GHR: variants seen among roughly 807,000 people sequenced by gnomAD.
GHR encodes the protein growth hormone receptor, also known as GH receptor.
Under a neutral mutation model 67.1 loss-of-function variants are expected in GHR, and 35 were observed. That is an observed-to-expected ratio of 0.52 (90% confidence interval 0.40 to 0.69). The LOEUF is 0.69. GHR is among the 30% of genes least tolerant of loss of function. The pLI, the probability that GHR is intolerant of heterozygous loss-of-function variation, is 0.00. For missense variants in GHR, 792 were observed against 764.6 expected, an observed-to-expected ratio of 1.04 and a Z score of -0.42; for synonymous variants, 272 against 269.1, an observed-to-expected ratio of 1.01 and a Z score of -0.10.
Position 42,717,890 on chromosome 5 carries a change from A to G in GHR, c.876-162A>G, listed in dbSNP as rs2973015. On this transcript the variant is annotated intron_variant, in intron 8 of 9. Coordinates refer to ENST00000230882, the MANE Select transcript of GHR (RefSeq NM_000163.5). ...CTTCTACAGTTTTTCTTTCTCATTT[A>G]CTGTCTAATATTTTCTTCTGTTTCT... Among the ~76,000 whole-genome samples the G allele has an allele frequency of 0.43, 65,371 of 151,448 alleles. 14,353 individuals carry two copies. Among genetic ancestry groups the G allele is most frequent in the East Asian group, 0.58 (2,976 of 5,160 alleles).
At chr5:42,672,349 A>G (rs1255344688) in intron 3 of GHR, among the ~76,000 whole-genome samples, 1 of 152,234 alleles carries the variant, frequency 6.6e-6, no homozygotes, top group Non-Finnish European at 1.5e-5. Context: ...ATACAGCAAT[A>G]GTGTTCACAT....
chr5:42,519,895 T>C lies in GHR; in HGVS notation c.-11-45969T>C, dbSNP rs528705976. On this transcript the variant is annotated intron_variant, in intron 1 of 9. Coordinates refer to ENST00000230882, the MANE Select transcript of GHR (RefSeq NM_000163.5). ...AATTAAATGACCATAAGTACAGTTG[T>C]TTTTGCTGCAATTTGTTCATTGATT... Among the ~76,000 whole-genome samples, 23 of 152,262 alleles carry C rather than the reference T, an allele frequency of 1.5e-4. No homozygotes were observed. In the South Asian group the frequency reaches 3.5e-3, roughly 23 times the overall value.
intron 1 of GHR, among the ~76,000 whole-genome samples, chr5:42,480,724 G>C (rs1745588624): frequency 6.6e-6 from 1 of 152,026 alleles, no homozygotes; most frequent in Non-Finnish European, 1.5e-5. Context: ...GCCTTTTTCT[G>C]TTTTCCATTT....
chr5:42,529,577 T>C (rs1747865884), intron 1 of GHR, among the ~76,000 whole-genome samples: 2 of 152,180 alleles, frequency 1.3e-5, no homozygotes, highest in Non-Finnish European at 2.9e-5. Flanking sequence ...TAAAGGTGAA[T>C]CTGTCTGGCC....
intron 1 of GHR, among the ~76,000 whole-genome samples, chr5:42,524,254 A>G (rs770857355): frequency 2.6e-5 from 4 of 152,204 alleles, no homozygotes; most frequent in Non-Finnish European, 5.9e-5. Context: ...ACAGCCTGAT[A>G]ACGATATGGA....
chr5:42,590,373 G>C (rs996914814), intron 2 of GHR, among the ~76,000 whole-genome samples: 11 of 151,796 alleles, frequency 7.2e-5, no homozygotes, highest in Non-Finnish European at 1.5e-4. Flanking sequence ...TCTCTGCTGG[G>C]GAAATTTTTT....
At chr5:42,482,295 G>T (rs1357193162) in intron 1 of GHR, among the ~76,000 whole-genome samples, 2 of 152,272 alleles carry the variant, frequency 1.3e-5, no homozygotes, top group Admixed American at 1.3e-4. Context: ...ACCCCTGCTG[G>T]GGGGTGCCTC....
chr5:42,527,264 T>TA (rs1489071210), intron 1 of GHR, among the ~76,000 whole-genome samples: 1 of 152,068 alleles, frequency 6.6e-6, no homozygotes, highest in Non-Finnish European at 1.5e-5. Flanking sequence ...ATGCCTCACT[T>TA]AAAAGGCACA....
intron 1 of GHR, among the ~76,000 whole-genome samples, chr5:42,491,403 T>C (rs1746107927): frequency 6.6e-6 from 1 of 152,218 alleles, no homozygotes; most frequent in Non-Finnish European, 1.5e-5. Context: ...TGTAGCATAA[T>C]GAAGCAGAGA....
chr5:42,660,652 A>C (rs1327907595), intron 3 of GHR, among the ~76,000 whole-genome samples: 1 of 152,178 alleles, frequency 6.6e-6, no homozygotes, highest in Non-Finnish European at 1.5e-5. Context: ...AAAACCACAA[A>C]GATGGGGAAA....
At chr5:42,577,448 T>C (rs1167697266) in intron 2 of GHR, among the ~76,000 whole-genome samples, 1 of 152,196 alleles carries the variant, frequency 6.6e-6, no homozygotes, top group Non-Finnish European at 1.5e-5. Context: ...TGATAGATGT[T>C]CAGTTATGCG....
chr5:42,717,905 C>T, intron 8 of GHR, 147 bp from the exon 9 acceptor site: 1 of 558,548 alleles, frequency 1.8e-6, no homozygotes, highest in Non-Finnish European at 3.3e-6. Context: ...CTAATATTTT[C>T]TTCTGTTTCT....
intron 1 of GHR, among the ~76,000 whole-genome samples, chr5:42,541,055 T>C (rs1053332420): frequency 1.3e-5 from 2 of 152,126 alleles, no homozygotes; most frequent in African/African-American, 4.8e-5. Flanking sequence ...TGTTTTACTT[T>C]TTTCCTCACC....
chr5:42,660,690 G>T (rs1483864226), intron 3 of GHR, among the ~76,000 whole-genome samples: 3 of 152,168 alleles, frequency 2.0e-5, no homozygotes, highest in Non-Finnish European at 4.4e-5. Flanking sequence ...TGGAAACTCT[G>T]AAAAGCAGAG....
At chr5:42,585,519 CTG>C (rs1169121715) in intron 2 of GHR, among the ~76,000 whole-genome samples, 2 of 152,248 alleles carry the variant, frequency 1.3e-5, no homozygotes, top group Non-Finnish European at 2.9e-5. Context: ...AAAAAACCTC[CTG>C]TGTTTTCTTT....
intron 5 of GHR, 136 bp downstream of exon 5, chr5:42,695,225 A>G: frequency 1.4e-6 from 1 of 705,734 alleles, no homozygotes; most frequent in Non-Finnish European, 2.6e-6. Flanking sequence ...GTTTTACAGG[A>G]GATGGGATCA....
chr5:42,498,313 T>C (rs1429158241), intron 1 of GHR, among the ~76,000 whole-genome samples: 1 of 152,214 alleles, frequency 6.6e-6, no homozygotes, highest in Non-Finnish European at 1.5e-5. Context: ...TCTGGCTTAA[T>C]TCTCCCTTGA....
chr5:42,587,801 C>T (rs1355749245), intron 2 of GHR, among the ~76,000 whole-genome samples: 1 of 152,024 alleles, frequency 6.6e-6, no homozygotes, highest in Non-Finnish European at 1.5e-5. Context: ...ACCATATGCC[C>T]TCCCCGGAGC....
chr5:42,631,033 G>A (rs911532929), intron 3 of GHR, among the ~76,000 whole-genome samples: 1 of 151,548 alleles, frequency 6.6e-6, no homozygotes, highest in Non-Finnish European at 1.5e-5. Flanking sequence ...CTTCTACCCA[G>A]TGTTTCCCTG....
Sources: allele counts gnomAD v4.1 joint callset (sites outside exome capture counted in the v4.1 genomes callset), GRCh38; gene constraint gnomAD v4.1.1; transcripts MANE v1.5; gene names NCBI Gene and HGNC (gene_info 2026-07-23, HGNC 2026-07-21).